MAEA: variants seen among roughly 807,000 people sequenced by gnomAD.
MAEA encodes macrophage erythroblast attacher, E3 ubiquitin ligase, also known as E3 ubiquitin-protein transferase MAEA.
A neutral mutation model predicts 46.2 loss-of-function variants in MAEA; 22 were observed. The observed-to-expected ratio is 0.48, with a 90% CI of 0.34 to 0.68. The LOEUF (loss-of-function observed/expected upper bound fraction) is 0.68. Among genes scored for constraint, MAEA ranks in the 30% least tolerant of loss-of-function variants. The pLI is 0.01. For synonymous variants in MAEA, 246 were observed against 222.6 expected (o/e 1.11, Z -0.94); for missense variants, 393 against 558.1 (o/e 0.70, Z 2.98).
intron 1 of MAEA, among the ~76,000 whole-genome samples, chr4:1,296,392 G>C (rs66879211): frequency 0.1 from 7,797 of 75,652 alleles, 943 homozygotes; most frequent in East Asian, 0.35. Flanking sequence ...CTGTGCAGCC[G>C]TCACCCATGC....
In MAEA at chr4:1,339,280, C is replaced by A; in HGVS notation, c.*111C>A. 2 of 757,840 alleles carry A rather than the reference C, an allele frequency of 2.6e-6. No homozygotes were observed. The highest frequency in any genetic ancestry group is 3.0e-5 in the South Asian group (2 of 67,144). The allele number at this position is 757,840 out of a possible 1,614,324, so 46.9% of individuals were successfully genotyped here. A position where few individuals can be genotyped will look rare whatever the true frequency, so the allele number is the denominator to read the frequency against. ...GCCGCGGCGTTTCTGTTTCTTGCGA[C>A]CAAAGATCCGTGAGCAACGATAAAT... On this transcript the variant is annotated 3_prime_UTR_variant, in exon 9 of 9. Transcript: ENST00000303400.
chr4:1,316,023 G>C (rs543837582), intron 3 of MAEA, among the ~76,000 whole-genome samples: 66 of 151,958 alleles, frequency 4.3e-4, no homozygotes, highest in African/African-American at 1.5e-3. Flanking sequence ...CAGTGTCTAA[G>C]CGGCTCTCCA....
At chr4:1,338,331 G>A in intron 7 of MAEA, 91 bp from the exon 8 acceptor site, 1 of 1,002,142 alleles carries the variant, frequency 1.0e-6, no homozygotes, top group Non-Finnish European at 1.5e-6. Context: ...AGCCAGAAGG[G>A]CACGCAGCCC....
chr4:1,334,141 TGCTC>T lies in MAEA; in HGVS notation c.765+1277_765+1280del, dbSNP rs1191604612. On this transcript the variant is annotated intron_variant, in intron 6 of 8. Transcript: ENST00000303400. ...CCATGCCCACCCCATGCCCACCATG[TGCTC>T]ACCCCTGCATCCACCCCCATGCCCA... 2.2e-4 allele frequency among the ~76,000 whole-genome samples: 16 copies of T among 73,716 alleles called. 5 individuals carry two copies. Among genetic ancestry groups the T allele is most frequent in the African/African-American group, 8.2e-4 (15 of 18,182 alleles). The allele number at this position is 73,716 out of a possible 152,430, so 48.4% of individuals were successfully genotyped here.
chr4:1,327,827 T>C, intron 5 of MAEA, 124 bp downstream of exon 5: 1 of 724,872 alleles, frequency 1.4e-6, no homozygotes, highest in South Asian at 1.6e-5. Flanking sequence ...GGGTCTTGAG[T>C]CTGACCCCTG....
chr4:1,322,987 G>A (rs952645327), intron 4 of MAEA, among the ~76,000 whole-genome samples: 2 of 115,752 alleles, frequency 1.7e-5, no homozygotes, highest in African/African-American at 3.5e-5. Context: ...ACGGAGTCTC[G>A]CTTTGTCGCC....
chr4:1,321,590 A>T (rs1738112404), intron 3 of MAEA, among the ~76,000 whole-genome samples: 1 of 152,310 alleles, frequency 6.6e-6, no homozygotes, highest in African/African-American at 2.4e-5. Flanking sequence ...GTGGGACCCA[A>T]GTGGTGAACT....
At chr4:1,310,427 G>A (rs999602097) in intron 1 of MAEA, among the ~76,000 whole-genome samples, 1 of 152,224 alleles carries the variant, frequency 6.6e-6, no homozygotes, top group East Asian at 1.9e-4. Context: ...TGGATGATGG[G>A]ACCCCAGGCT....
chr4:1,322,318 G>A (rs1465142351), intron 3 of MAEA, 63 bp from the exon 4 acceptor site: 1 of 1,594,896 alleles, frequency 6.3e-7, no homozygotes, highest in East Asian at 2.2e-5. Flanking sequence ...CTGGGGTGTG[G>A]GAGGGTGGCA....
intron 7 of MAEA, chr4:1,337,347 A>ACTCTGCCCTGCCTGTGACTGC: frequency 1.3e-5 from 4 of 297,458 alleles, no homozygotes; most frequent in South Asian, 3.0e-5. Flanking sequence ...CCTGTGACTG[A>ACTCTGCCCTGCCTGTGACTGC]CTCTGTCCCG....
chr4:1,291,840 T>C (rs1185787203), intron 1 of MAEA, among the ~76,000 whole-genome samples: 1 of 152,240 alleles, frequency 6.6e-6, no homozygotes, highest in African/African-American at 2.4e-5. Flanking sequence ...AAAATAGTCA[T>C]GCAGATAGTC....
At position 1,311,153 on chromosome 4, in the gene MAEA, C is replaced by G. The variant is rs566002573; in HGVS notation, c.70-826C>G. ...CGACGGCAGAGTTGGGCCCACTGCT[C>G]TTGGGCGGCAGCACGGCCGTGTTGC... On this transcript the variant is annotated intron_variant, in intron 1 of 8. Coordinates refer to ENST00000303400, the MANE Select transcript of MAEA (RefSeq NM_001017405.3). The surrounding 1 kb of genome is among the most constrained non-coding windows in gnomAD (Gnocchi z 4.4). Among the ~76,000 whole-genome samples the G allele has an allele frequency of 3.3e-5, 5 of 152,220 alleles. No homozygotes were observed. Among genetic ancestry groups the G allele is most frequent in the African/African-American group, 4.8e-5 (2 of 41,462 alleles).
intron 1 of MAEA, chr4:1,309,732 C>T (rs1304501081): frequency 1.2e-5 from 18 of 1,513,758 alleles, no homozygotes; most frequent in Non-Finnish European, 1.6e-5. Context: ...TCCCCGGCCT[C>T]CTTCATGCCT....
intron 4 of MAEA, among the ~76,000 whole-genome samples, chr4:1,327,379 G>A (rs1424894425): frequency 1.3e-5 from 2 of 152,250 alleles, no homozygotes; most frequent in South Asian, 2.1e-4. Context: ...AATGCTGGGC[G>A]GCTGCACGCC....
chr4:1,323,609 G>A (rs1305754646), intron 4 of MAEA: 42 of 702,386 alleles, frequency 6.0e-5, no homozygotes, highest in Non-Finnish European at 5.2e-6. Context: ...GCCAGAATTG[G>A]TATGTAACCT....
chr4:1,336,628 C>A lies in MAEA; in HGVS notation c.766-233C>A, dbSNP rs547375816. On this transcript the variant is annotated intron_variant, in intron 6 of 8. Transcript: ENST00000303400. ...CATGTTGAAATCAGAGTTAAGTCAG[C>A]ACTCATCCCGCAGCATGTTGAAATC... 5.3e-5 allele frequency among the ~76,000 whole-genome samples: 8 copies of A among 152,310 alleles called. No individual in the cohort carries two copies. In the South Asian group the frequency reaches 1.7e-3, roughly 32 times the overall value.
At chr4:1,338,346 C>T in intron 7 of MAEA, 76 bp from the exon 8 acceptor site, 1 of 1,205,426 alleles carries the variant, frequency 8.3e-7, no homozygotes. Flanking sequence ...CAGCCCAGGG[C>T]AGAGTGGCCA....
chr4:1,318,313 G>C (rs1186221107), intron 3 of MAEA, among the ~76,000 whole-genome samples: 1 of 152,272 alleles, frequency 6.6e-6, no homozygotes, highest in African/African-American at 2.4e-5. Context: ...CCCAGGGAAT[G>C]TGCGCTGTGT....
intron 4 of MAEA, chr4:1,323,692 T>C (rs1162539111): frequency 8.7e-6 from 6 of 688,406 alleles, no homozygotes; most frequent in Non-Finnish European, 1.3e-5. Context: ...GTGGGAACTC[T>C]GCCAGGGCTG....
Sources: gnomAD v4.1 joint callset for allele counts (sites outside exome capture counted in the v4.1 genomes callset) on GRCh38, gnomAD v4.1.1 for gene constraint, Gnocchi (gnomAD v3.1) non-coding constraint, MANE v1.5 for transcripts, NCBI Gene and HGNC (gene_info 2026-07-23, HGNC 2026-07-21) for gene names.